The following PCDHA2 variants were observed in gnomAD, a reference collection of about 807,000 sequenced individuals.
PCDHA2 encodes protocadherin alpha 2.
In PCDHA2, 58 loss-of-function variants were observed where a neutral mutation model predicts 66.0. The observed-to-expected ratio is 0.88, with a 90% CI of 0.71 to 1.09. The LOEUF (loss-of-function observed/expected upper bound fraction) is 1.09, where lower values mean the gene tolerates loss of function less well. Ranked by LOEUF, PCDHA2 falls within the 50% of genes least tolerant of loss-of-function variation. PCDHA2 has a pLI of 0.00. For missense variants in PCDHA2, 1,267 were observed against 1,242.3 expected (o/e 1.02, Z -0.30); for synonymous variants, 634 against 554.0 (o/e 1.14, Z -2.03).
At chr5:140,852,024 C>A in intron 1 of PCDHA2, 1 of 949,532 alleles carries the variant, frequency 1.1e-6, no homozygotes, top group Non-Finnish European at 1.3e-6. Context: ...TTAAAAACTT[C>A]GCTTATTGAG....
intron 1 of PCDHA2, among the ~76,000 whole-genome samples, chr5:140,910,278 A>G (rs1261965132): frequency 6.6e-6 from 1 of 151,132 alleles, no homozygotes; most frequent in Non-Finnish European, 1.5e-5. Flanking sequence ...TTCTAGGAAC[A>G]CCATGATTAA....
intron 1 of PCDHA2, among the ~76,000 whole-genome samples, chr5:140,806,072 A>G (rs1333046809): frequency 1.3e-5 from 2 of 152,232 alleles, no homozygotes; most frequent in Non-Finnish European, 2.9e-5. Context: ...CTGGTGCTGC[A>G]GTTTGTAAAA....
chr5:140,840,200 G>A (rs1412931294), intron 1 of PCDHA2, among the ~76,000 whole-genome samples: 1 of 151,990 alleles, frequency 6.6e-6, no homozygotes, highest in Non-Finnish European at 1.5e-5. Flanking sequence ...CAAAGGAAAA[G>A]AAGTCATAAA....
intron 3 of PCDHA2, among the ~76,000 whole-genome samples, chr5:141,002,176 G>C (rs1554258553): frequency 6.6e-6 from 1 of 152,242 alleles, no homozygotes; most frequent in Non-Finnish European, 1.5e-5. Context: ...GCAGGCTCCA[G>C]AGTGCTGTCT....
chr5:140,939,551 G>A (rs2092410878), intron 1 of PCDHA2, among the ~76,000 whole-genome samples: 1 of 151,156 alleles, frequency 6.6e-6, no homozygotes, highest in African/African-American at 2.5e-5. Flanking sequence ...ATTTCTTGTT[G>A]TATTAGTTTG....
intron 1 of PCDHA2, chr5:140,859,978 C>T (rs1554152894): frequency 6.6e-6 from 1 of 151,802 alleles, no homozygotes. Context: ...TATACAAGTG[C>T]ATTAATCTCT....
chr5:140,875,521 T>C (rs2055562442), intron 1 of PCDHA2: 2 of 1,614,014 alleles, frequency 1.2e-6, no homozygotes, highest in Non-Finnish European at 1.7e-6. Flanking sequence ...TCTGCTGCTC[T>C]CGCTTCTGCT....
rs199727548 is a variant in PCDHA2, at chr5:140,829,646, G to C, written c.2388+32294G>C. ...GCACGCGGAGAGCGGCAAGGTGTAC[G>C]CGCTGCAGCCGCTGGACCACGAGGA... On this transcript the variant is annotated intron_variant, in intron 1 of 3. Transcript: ENST00000526136. 1 of 1,612,258 alleles carries C rather than the reference G, an allele frequency of 6.2e-7. No individual in the cohort carries two copies. Among genetic ancestry groups the C allele is most frequent in the Admixed American group, 1.7e-5 (1 of 59,998 alleles).
intron 1 of PCDHA2, chr5:140,823,946 C>T: frequency 1.2e-6 from 2 of 1,613,970 alleles, no homozygotes; most frequent in East Asian, 2.2e-5. Flanking sequence ...CGGTGCTCGG[C>T]GCAGCCCACC....
At chr5:140,950,050 T>C (rs1554219269) in intron 1 of PCDHA2, among the ~76,000 whole-genome samples, 3 of 151,956 alleles carry the variant, frequency 2.0e-5, no homozygotes, top group Admixed American at 6.6e-5. Context: ...CATATAAGAC[T>C]ATTTAGCTCT....
At chr5:140,843,560 A>T (rs2150362735) in intron 1 of PCDHA2, 1 of 1,595,676 alleles carries the variant, frequency 6.3e-7, no homozygotes, top group Non-Finnish European at 8.6e-7. Context: ...TGCGGTGGGG[A>T]GCTGGTCATA....
chr5:140,919,593 T>A (rs541275874), intron 1 of PCDHA2, among the ~76,000 whole-genome samples: 1 of 152,332 alleles, frequency 6.6e-6, no homozygotes, highest in South Asian at 2.1e-4. Flanking sequence ...TGGTAATTTT[T>A]AAAATAAATT....
chr5:140,801,287 G>T, intron 1 of PCDHA2: 1 of 1,613,556 alleles, frequency 6.2e-7, no homozygotes, highest in African/African-American at 1.3e-5. Context: ...GGAGCGGCCA[G>T]CTCCACTACT....
rs782463268 is a variant in PCDHA2, at chr5:140,941,198, TCTTCCTTTCTTTCTTC to T, written c.2389-37747_2389-37732del. On this transcript the variant is annotated intron_variant, in intron 1 of 3. Transcript: ENST00000526136. ...AACATCCTGCTTCTTTTTTTTTCTTTCTTCCTTTCTTTCTTCCTTTCTTTCTTTCTTTCTTTCTTTC... is the reference window on the plus strand; with the variant it reads ...AACATCCTGCTTCTTTTTTTTTCTTTCTTTCTTTCTTTCTTTCTTTCTTTC... 2.9e-3 allele frequency among the ~76,000 whole-genome samples: 353 copies of T among 119,898 alleles called. 1 individual carries two copies. Among genetic ancestry groups the T allele is most frequent in the African/African-American group, 8.8e-3 (254 of 28,982 alleles). The allele number at this position is 119,898 out of a possible 152,430, so 78.7% of individuals were successfully genotyped here.
At chr5:140,934,312 A>G (rs2089755727) in intron 1 of PCDHA2, among the ~76,000 whole-genome samples, 1 of 152,108 alleles carries the variant, frequency 6.6e-6, no homozygotes, top group South Asian at 2.1e-4. Context: ...CTTACTGCAA[A>G]TGTCCAATCA....
chr5:141,009,544 C>A (rs1236431515), intron 3 of PCDHA2, 83 bp from the exon 4 acceptor site: 1 of 1,534,390 alleles, frequency 6.5e-7, no homozygotes. Context: ...CCTGCCTATG[C>A]AGTACTCCTG....
At chr5:140,947,755 G>T (rs1415482913) in intron 1 of PCDHA2, among the ~76,000 whole-genome samples, 1 of 151,450 alleles carries the variant, frequency 6.6e-6, no homozygotes, top group Non-Finnish European at 1.5e-5. Flanking sequence ...GTATTTTATG[G>T]TTTAAAAAAT....
chr5:140,944,277 C>T (rs922160593), intron 1 of PCDHA2, among the ~76,000 whole-genome samples: 1 of 152,044 alleles, frequency 6.6e-6, no homozygotes, highest in Non-Finnish European at 1.5e-5. Flanking sequence ...AGCCTTGACA[C>T]CCCGGGCTCA....
intron 1 of PCDHA2, chr5:140,869,303 C>T (rs1403563775): frequency 6.2e-7 from 1 of 1,613,586 alleles, no homozygotes; most frequent in Non-Finnish European, 8.5e-7. Flanking sequence ...TTCCGGGTGG[C>T]GTCCAAAACA....
Sources: gnomAD v4.1 joint callset for allele counts (sites outside exome capture counted in the v4.1 genomes callset) on GRCh38, gnomAD v4.1.1 for gene constraint, MANE v1.5 for transcripts, NCBI Gene and HGNC (gene_info 2026-07-23, HGNC 2026-07-21) for gene names.